Variants in PDE4D observed in about 807,000 individuals in gnomAD.
PDE4D encodes phosphodiesterase 4D.
In PDE4D, 24 loss-of-function variants were observed where a neutral mutation model predicts 87.4. That is an observed-to-expected ratio of 0.27 (90% CI 0.20 to 0.39). PDE4D has a LOEUF of 0.39. PDE4D is among the 10% of genes least tolerant of loss of function. PDE4D has a pLI of 1.00. For missense variants in PDE4D, 714 were observed against 1,041.0 expected (o/e 0.69, Z 4.32); for synonymous variants, 384 against 383.2 (o/e 1.00, Z -0.02).
chr5:60,512,753 C>T (rs1279621074), intron 1 of PDE4D, among the ~76,000 whole-genome samples: 2 of 152,142 alleles, frequency 1.3e-5, no homozygotes, highest in East Asian at 1.9e-4. Flanking sequence ...GCAGCTTTCA[C>T]GTACTCAAGG....
intron 1 of PDE4D, among the ~76,000 whole-genome samples, chr5:59,454,857 T>C (rs1799680891): frequency 6.6e-6 from 1 of 152,150 alleles, no homozygotes; most frequent in Non-Finnish European, 1.5e-5. Context: ...CAAAAGTGAC[T>C]CTTGTTATGT....
chr5:59,175,781 ATTTTTTTTTTTTTT>A (rs57572403), intron 5 of PDE4D, among the ~76,000 whole-genome samples: 2 of 94,592 alleles, frequency 2.1e-5, no homozygotes, highest in Non-Finnish European at 4.2e-5. Context: ...CCCGGCCTCC[ATTTTTTTTTTTTTT>A]TTTTTTTTTT....
chr5:60,255,977 A>G (rs936675380), intron 1 of PDE4D, among the ~76,000 whole-genome samples: 2 of 151,940 alleles, frequency 1.3e-5, no homozygotes, highest in African/African-American at 4.8e-5. Flanking sequence ...TAACAAGCTC[A>G]TCATCTCCCT....
chr5:59,567,617 G>GT (rs1378773891), intron 1 of PDE4D, among the ~76,000 whole-genome samples: 1 of 152,220 alleles, frequency 6.6e-6, no homozygotes, highest in African/African-American at 2.4e-5. Flanking sequence ...AGTTTGCAGG[G>GT]TAAAAAACAT....
At chr5:60,340,607 TAAAAA>T (rs10583972) in intron 1 of PDE4D, among the ~76,000 whole-genome samples, 35 of 138,568 alleles carry the variant, frequency 2.5e-4, no homozygotes, top group East Asian at 1.9e-3. Context: ...TCACATCATT[TAAAAA>T]AAAAAAAAAA....
At position 59,038,889 on chromosome 5, in the gene PDE4D, C is replaced by T. The variant is rs369034280; in HGVS notation, c.891G>A (p.Arg297=). The change falls in exon 6 of 15, where the codon AGG becomes AGA. Residue 297 remains arginine, a synonymous_variant. Coordinates refer to ENST00000340635, the MANE Select transcript of PDE4D (RefSeq NM_001104631.2). ...TGGAGGCCATCTCACTGACGGAGTG[C>T]CTGGTCTGTAGGGTCTCTAGCTGGT... The part of the protein sequence containing the change: ...CLDQLETLQT[R]HSVSEMASNK... 3.3e-4 allele frequency: 517 copies of T among 1,589,562 alleles called. 2 individuals are homozygous for T. In the Middle Eastern group the frequency reaches 3.5e-3, roughly 11 times the overall value.
At chr5:59,804,743 T>G (rs1767550093) in intron 1 of PDE4D, among the ~76,000 whole-genome samples, 1 of 152,118 alleles carries the variant, frequency 6.6e-6, no homozygotes, top group African/African-American at 2.4e-5. Flanking sequence ...GTATCAGAAG[T>G]CCAATAGTGA....
chr5:60,345,612 T>C (rs775920552), intron 1 of PDE4D, among the ~76,000 whole-genome samples: 3 of 151,706 alleles, frequency 2.0e-5, no homozygotes, highest in Non-Finnish European at 4.4e-5. Flanking sequence ...TTTTCCTTCA[T>C]CATTTAAATA....
intron 1 of PDE4D, among the ~76,000 whole-genome samples, chr5:59,319,803 A>G (rs1367663501): frequency 6.6e-6 from 1 of 152,164 alleles, no homozygotes; most frequent in African/African-American, 2.4e-5. Flanking sequence ...AATTGTTTCT[A>G]CAAATGCTGC....
chr5:60,157,813 A>G (rs763259622), intron 2 of PDE4D, among the ~76,000 whole-genome samples: 2 of 152,140 alleles, frequency 1.3e-5, no homozygotes, highest in Admixed American at 6.5e-5. Flanking sequence ...TAATAATGTG[A>G]TATTATTTAA....
intron 5 of PDE4D, among the ~76,000 whole-genome samples, chr5:59,106,001 T>C (rs1771519980): frequency 6.6e-6 from 1 of 152,156 alleles, no homozygotes. Context: ...TGGTTACCTA[T>C]GAAATAGAAA....
In PDE4D at chr5:60,140,452, G is replaced by A. The variant is rs577491033; in HGVS notation, c.42+45105C>T. On this transcript the variant is annotated intron_variant, in intron 2 of 16. Coordinates refer to the PDE4D transcript ENST00000502484. The stretch of plus-strand genomic sequence containing the variant: ...GAGATGACTAGGACTCAGTTTTCTG[G>A]TTTCTAATTCTGTGCTCTTCTACCT... Among the ~76,000 whole-genome samples, 23 of 151,490 alleles carry A rather than the reference G, an allele frequency of 1.5e-4. 1 individual carries two copies. In the South Asian group the frequency reaches 4.4e-3, roughly 29 times the overall value.
At chr5:60,271,887 T>G (rs1452747892) in intron 1 of PDE4D, among the ~76,000 whole-genome samples, 1 of 152,160 alleles carries the variant, frequency 6.6e-6, no homozygotes, top group African/African-American at 2.4e-5. Flanking sequence ...CCATGATCTA[T>G]TCCCTAATTG....
At chr5:59,196,821 T>C (rs998125303) in intron 2 of PDE4D, among the ~76,000 whole-genome samples, 11 of 152,180 alleles carry the variant, frequency 7.2e-5, no homozygotes, top group Non-Finnish European at 1.6e-4. Context: ...AAAAATGTTA[T>C]TAAAAATTCC....
At chr5:60,264,492 C>G (rs1749982841) in intron 1 of PDE4D, among the ~76,000 whole-genome samples, 1 of 152,204 alleles carries the variant, frequency 6.6e-6, no homozygotes, top group Admixed American at 6.5e-5. Flanking sequence ...TCTACATCAA[C>G]AAATCAGAAT....
At chr5:59,964,923 T>C (rs1349467402) in intron 3 of PDE4D, among the ~76,000 whole-genome samples, 1 of 152,198 alleles carries the variant, frequency 6.6e-6, no homozygotes, top group Admixed American at 6.6e-5. Flanking sequence ...ATTATGTTTT[T>C]CTTCTCTCAA....
intron 1 of PDE4D, among the ~76,000 whole-genome samples, chr5:59,804,129 G>A (rs1026189980): frequency 1.1e-4 from 17 of 152,026 alleles, no homozygotes; most frequent in African/African-American, 4.1e-4. Context: ...ATCCATCACC[G>A]GAGCAGTGTA....
chr5:59,805,902 T>A (rs900588013), intron 1 of PDE4D, among the ~76,000 whole-genome samples: 1 of 152,182 alleles, frequency 6.6e-6, no homozygotes, highest in Non-Finnish European at 1.5e-5. Context: ...TTTTGCCACC[T>A]CCCCGTCTGT....
At chr5:59,157,877 A>T (rs1413494346) in intron 5 of PDE4D, among the ~76,000 whole-genome samples, 1 of 152,206 alleles carries the variant, frequency 6.6e-6, no homozygotes, top group Non-Finnish European at 1.5e-5. Flanking sequence ...TGACCTCAGG[A>T]TTTAAAGAGT....
Sources: allele counts gnomAD v4.1 joint callset (sites outside exome capture counted in the v4.1 genomes callset), GRCh38; gene constraint gnomAD v4.1.1; transcripts MANE v1.5; gene names NCBI Gene and HGNC (gene_info 2026-07-23, HGNC 2026-07-21).